CALCR: variants seen among roughly 807,000 people sequenced by gnomAD.
CALCR encodes calcitonin receptor.
In CALCR, 47 loss-of-function variants were observed where a neutral mutation model predicts 59.5. That is an observed-to-expected ratio of 0.79 (90% CI 0.63 to 1.01). The LOEUF is 1.01. CALCR is among the 50% of genes least tolerant of loss of function. The probability of loss-of-function intolerance (pLI) is 0.00; values close to 1 mark genes in which losing one functional copy is unlikely to be tolerated. For synonymous variants in CALCR, 213 were observed against 211.3 expected (o/e 1.01, Z -0.07); for missense variants, 566 against 597.1 (o/e 0.95, Z 0.54).
chr7:93,524,422 A>G (rs746574434), intron 2 of CALCR, among the ~76,000 whole-genome samples: 5 of 151,980 alleles, frequency 3.3e-5, no homozygotes, highest in East Asian at 1.9e-4. Flanking sequence ...CGCCCACCTC[A>G]GCCTCCCAAA....
At chr7:93,548,207 A>G (rs536417474) in intron 2 of CALCR, among the ~76,000 whole-genome samples, 1 of 152,180 alleles carries the variant, frequency 6.6e-6, no homozygotes, top group Non-Finnish European at 1.5e-5. Flanking sequence ...TTTACAAAAG[A>G]ACAAACAAAA....
chr7:93,508,466 T>C (rs1384421251), intron 2 of CALCR, among the ~76,000 whole-genome samples: 1 of 152,230 alleles, frequency 6.6e-6, no homozygotes, highest in East Asian at 1.9e-4. Context: ...GAATTACTTT[T>C]ATATGCAGTT....
intron 5 of CALCR, among the ~76,000 whole-genome samples, chr7:93,476,818 G>C (rs1800676625): frequency 6.6e-6 from 1 of 151,872 alleles, no homozygotes; most frequent in Admixed American, 6.6e-5. Context: ...CATTTAGTTA[G>C]AGATTCCAGG....
chr7:93,461,382 C>T (rs570407608), intron 7 of CALCR, among the ~76,000 whole-genome samples: 1 of 152,242 alleles, frequency 6.6e-6, no homozygotes, highest in African/African-American at 2.4e-5. Context: ...ACCAAGGCTG[C>T]CTGTGACAAG....
intron 2 of CALCR, among the ~76,000 whole-genome samples, chr7:93,499,499 G>T (rs532088096): frequency 6.6e-6 from 1 of 151,762 alleles, no homozygotes; most frequent in Non-Finnish European, 1.5e-5. Flanking sequence ...GGATGGCCAC[G>T]TCTGGGTAAT....
chr7:93,486,322 T>C (rs1374244995), intron 3 of CALCR, among the ~76,000 whole-genome samples: 1 of 151,664 alleles, frequency 6.6e-6, no homozygotes, highest in African/African-American at 2.4e-5. Context: ...TATTTCCGAT[T>C]ACTTGCTAAA....
rs4015273 is a variant in CALCR, at chr7:93,454,916, T to TTGTGTGTGTG, written c.648+5895_648+5904dup. 1.9e-3 allele frequency among the ~76,000 whole-genome samples: 282 copies of TTGTGTGTGTG among 145,002 alleles called. 1 individual carries two copies. Among genetic ancestry groups the TTGTGTGTGTG allele is most frequent in the Middle Eastern group, 0.014 (4 of 282 alleles). ...CCACTGACAGTGAGGACAGGGCATT[T>TTGTGTGTGTG]TGTGTGTGTGTGTGTGTGTGTGTGT... On this transcript the variant is annotated intron_variant, in intron 8 of 13. Transcript: ENST00000426151.
At chr7:93,520,860 G>A (rs998762662) in intron 2 of CALCR, among the ~76,000 whole-genome samples, 1 of 152,130 alleles carries the variant, frequency 6.6e-6, no homozygotes, top group Non-Finnish European at 1.5e-5. Flanking sequence ...AAATTTTGGT[G>A]AGATTTTTAG....
chr7:93,544,765 A>G (rs1338204492), intron 2 of CALCR, among the ~76,000 whole-genome samples: 1 of 152,152 alleles, frequency 6.6e-6, no homozygotes, highest in Non-Finnish European at 1.5e-5. Context: ...CCATTTCTTT[A>G]TAAAGGCAGA....
intron 2 of CALCR, among the ~76,000 whole-genome samples, chr7:93,519,282 T>C (rs1204791562): frequency 6.6e-6 from 1 of 152,066 alleles, no homozygotes; most frequent in Non-Finnish European, 1.5e-5. Flanking sequence ...ATAACTTAAA[T>C]GAAAACTGAT....
chr7:93,429,935 TTTTTTTG>T (rs1249178613), intron 13 of CALCR, among the ~76,000 whole-genome samples: 17 of 106,408 alleles, frequency 1.6e-4, no homozygotes, highest in Admixed American at 5.3e-4. Context: ...TGTTTGTTTG[TTTTTTTG>T]TTTTTTTTTG....
rs1469743774 is a variant in CALCR at position 93,426,126 on chromosome 7, G to A, written c.*230C>T. On this transcript the variant is annotated 3_prime_UTR_variant, in exon 14 of 14. Transcript: ENST00000426151. ...CTGTGACATTTGCATCTCAGTCCTG[G>A]ATGAATGATGGAGTTCACAAGTTGC... is the stretch of plus-strand genomic sequence containing the variant. 1.9e-5 allele frequency: 9 copies of A among 484,742 alleles called. No homozygotes were observed. Among genetic ancestry groups the A allele is most frequent in the African/African-American group, 3.9e-5 (2 of 51,508 alleles). The allele number at this position is 484,742 out of a possible 1,614,324, so 30.0% of individuals were successfully genotyped here.
chr7:93,451,354 G>A (rs898290196), intron 8 of CALCR, among the ~76,000 whole-genome samples: 6 of 151,880 alleles, frequency 4.0e-5, no homozygotes, highest in South Asian at 2.1e-4. Context: ...AAGGATGCTC[G>A]CCACTGAAGT....
chr7:93,447,060 CTTACTACCAGTTCATGTT>C (rs1421096705), intron 8 of CALCR, among the ~76,000 whole-genome samples: 2 of 151,976 alleles, frequency 1.3e-5, no homozygotes, highest in Non-Finnish European at 2.9e-5. Context: ...ATTCAGTGCC[CTTACTACCAGTTCATGTT>C]TTAATAAAAC....
intron 6 of CALCR, among the ~76,000 whole-genome samples, chr7:93,470,874 A>G (rs917884643): frequency 8.6e-5 from 13 of 151,458 alleles, no homozygotes; most frequent in African/African-American, 3.1e-4. Context: ...CGCTGCACCC[A>G]CTAACTTGTC....
At chr7:93,461,011 C>A (rs1584553895) in intron 7 of CALCR, 64 bp from the exon 8 acceptor site, 1 of 1,325,942 alleles carries the variant, frequency 7.5e-7, no homozygotes, top group African/African-American at 1.6e-5. Flanking sequence ...TGGAAAAAAA[C>A]ATTTTGGTAA....
chr7:93,437,658 G>A (rs2188803), intron 11 of CALCR, among the ~76,000 whole-genome samples: 75,218 of 151,794 alleles, frequency 0.5, 19,356 homozygotes, highest in African/African-American at 0.62. Flanking sequence ...TGAATATTTG[G>A]ATTTCTGGAC....
chr7:93,483,577 T>G (rs1236199195), intron 3 of CALCR, among the ~76,000 whole-genome samples: 11 of 151,128 alleles, frequency 7.3e-5, no homozygotes. Flanking sequence ...ATATACAAAT[T>G]TCATAAAGTT....
At position 93,487,395 on chromosome 7, in the gene CALCR, A is replaced by G. The variant is rs558864883; in HGVS notation, c.-26-388T>C. 9.9e-5 allele frequency among the ~76,000 whole-genome samples: 15 copies of G among 151,582 alleles called. No homozygotes were observed. In the South Asian group the frequency reaches 2.9e-3, roughly 29 times the overall value. ...TCACCTCACTGGACATGAACAAATA[A>G]AATCTGTAATTTGTGAAAGATTAAT... is the stretch of plus-strand genomic sequence containing the variant. On this transcript the variant is annotated intron_variant, in intron 2 of 13. Transcript: ENST00000426151.
Sources: gnomAD v4.1 joint callset for allele counts (sites outside exome capture counted in the v4.1 genomes callset) on GRCh38, gnomAD v4.1.1 for gene constraint, MANE v1.5 for transcripts, NCBI Gene and HGNC (gene_info 2026-07-23, HGNC 2026-07-21) for gene names.